CA5A: variants seen among roughly 807,000 people sequenced by gnomAD.
CA5A encodes the protein carbonic anhydrase 5A, also known as carbonic anhydrase 5A, mitochondrial.
A neutral mutation model predicts 37.1 loss-of-function variants in CA5A; 28 were observed. The ratio of observed to expected loss-of-function variants is 0.75; its 90% CI spans 0.56 to 1.03. CA5A has a LOEUF of 1.03. CA5A is among the 50% of genes least tolerant of loss of function. The pLI is 0.00. For missense variants in CA5A, 444 were observed against 399.9 expected, an observed-to-expected ratio of 1.11 and a Z score of -0.94; for synonymous variants, 171 against 158.4, an observed-to-expected ratio of 1.08 and a Z score of -0.60.
rs148835065 is a variant in CA5A at position 87,905,226 on chromosome 16, C to T, written c.341-322G>A. 3.3e-3 allele frequency among the ~76,000 whole-genome samples: 502 copies of T among 152,238 alleles called. 1 individual carries two copies. The highest frequency in any genetic ancestry group is 0.021 in the South Asian group (101 of 4,824). On this transcript the variant is annotated intron_variant, in intron 2 of 6. Transcript: ENST00000649794. ...TCCGTAAAGAACGTTTCTGTGATGC[C>T]TGCCTGTCCTATAAGATTTCCAGAC...
intron 5 of CA5A, among the ~76,000 whole-genome samples, chr16:87,899,201 T>A (rs1275151465): frequency 2.0e-5 from 3 of 151,706 alleles, no homozygotes; most frequent in South Asian, 2.1e-4. Flanking sequence ...GCTAGGAGCC[T>A]CTAGGCGAGA....
At chr16:87,893,912 C>G (rs73239010) in intron 5 of CA5A, among the ~76,000 whole-genome samples, 4,833 of 151,856 alleles carry the variant, frequency 0.032, 268 homozygotes, top group African/African-American at 0.11. Flanking sequence ...AGCTAGGACA[C>G]CACACCAGGG....
intron 1 of CA5A, among the ~76,000 whole-genome samples, chr16:87,933,297 C>T (rs544942087): frequency 5.9e-5 from 9 of 152,224 alleles, no homozygotes; most frequent in African/African-American, 1.9e-4. Context: ...ACCAACGTAA[C>T]GTTGCTGATC....
At chr16:87,924,254 A>C in intron 2 of CA5A, 1 of 985,434 alleles carries the variant, frequency 1.0e-6, no homozygotes, top group Non-Finnish European at 1.2e-6. Context: ...CCCACACGGG[A>C]AGCATCCGCG....
intron 5 of CA5A, among the ~76,000 whole-genome samples, chr16:87,901,119 G>T (rs1340246615): frequency 2.6e-5 from 4 of 152,112 alleles, no homozygotes; most frequent in African/African-American, 7.2e-5. Context: ...TGTCCCAGCC[G>T]CATGGGAGGC....
chr16:87,896,291 G>T (rs1379496222), intron 5 of CA5A, among the ~76,000 whole-genome samples: 2 of 152,178 alleles, frequency 1.3e-5, no homozygotes, highest in African/African-American at 2.4e-5. Flanking sequence ...TGCCACTGCG[G>T]GTAGGTTTCT....
In CA5A at chr16:87,888,258, A is replaced by G. The variant is rs1462054551; in HGVS notation, c.789T>C (p.Arg263=). 1 of 1,613,532 alleles carries G rather than the reference A, an allele frequency of 6.2e-7. No individual in the cohort carries two copies. Among genetic ancestry groups the G allele is most frequent in the Non-Finnish European group, 8.5e-7 (1 of 1,179,574 alleles). The change falls in exon 7 of 7, where the codon CGT becomes CGC. Residue 263 remains arginine (R), a synonymous_variant. Transcript: ENST00000649794. ...EVAPSQLSAF[R]TLLFSALGEE... is the part of the protein sequence containing the mutation. The stretch of plus-strand genomic sequence containing the variant: ...CACCAAGTGCAGAAAACAGGAGAGT[A>G]CGAAATGCAGAGAGCTGGAATAGAG...
At chr16:87,902,328 T>G in intron 4 of CA5A, 97 bp downstream of exon 4, 1 of 744,366 alleles carries the variant, frequency 1.3e-6, no homozygotes, top group Non-Finnish European at 2.3e-6. Flanking sequence ...CACTCCAGCC[T>G]GTGTGACACA....
At chr16:87,925,271 C>A (rs2056289168) in intron 2 of CA5A, among the ~76,000 whole-genome samples, 1 of 152,142 alleles carries the variant, frequency 6.6e-6, no homozygotes, top group East Asian at 1.9e-4. Flanking sequence ...AAGCTACATT[C>A]AGCAAAAGGA....
At chr16:87,913,649 C>T (rs993919763) in intron 2 of CA5A, among the ~76,000 whole-genome samples, 34 of 142,302 alleles carry the variant, frequency 2.4e-4, no homozygotes, top group African/African-American at 7.7e-4. Flanking sequence ...GTGTCTGTGC[C>T]GTGGCCCCCC....
At chr16:87,928,286 C>T (rs916534760) in intron 1 of CA5A, among the ~76,000 whole-genome samples, 10 of 152,208 alleles carry the variant, frequency 6.6e-5, no homozygotes, top group Non-Finnish European at 1.3e-4. Flanking sequence ...ACCTCAGCCT[C>T]CTGAGCAGCT....
intron 2 of CA5A, among the ~76,000 whole-genome samples, chr16:87,914,107 A>G (rs1352589492): frequency 1.3e-5 from 2 of 152,258 alleles, no homozygotes; most frequent in Admixed American, 1.3e-4. Context: ...TGGCACAGTC[A>G]GTGTTTGCTC....
intron 1 of CA5A, among the ~76,000 whole-genome samples, chr16:87,932,112 C>G (rs910701131): frequency 6.6e-6 from 1 of 151,656 alleles, no homozygotes; most frequent in African/African-American, 2.4e-5. Context: ...CAGACTCCGT[C>G]TAAGAAAAAA....
rs555058048 is a variant in CA5A, at chr16:87,893,599, G to A, written c.619-1645C>T. The A allele has an allele frequency of 1.0e-4, 70 of 696,832 alleles. 1 individual carries two copies. The East Asian group carries it at 3.0e-3, about 30-fold the overall frequency. 43.2% of individuals were successfully genotyped at this position (696,832 alleles called of 1,614,324 possible). ...TGGGCGACCTGCAAGACTCACAAGA[G>A]GGGAAGCTGACAGACATACCTACAG... On this transcript the variant is annotated intron_variant, in intron 5 of 6. Transcript: ENST00000649794.
intron 5 of CA5A, among the ~76,000 whole-genome samples, chr16:87,895,190 C>G (rs985594662): frequency 2.6e-5 from 4 of 152,100 alleles, no homozygotes; most frequent in Non-Finnish European, 5.9e-5. Flanking sequence ...GTTGAGGCTG[C>G]AGTGAGCTGT....
At chr16:87,900,197 C>T (rs1209916022) in intron 5 of CA5A, among the ~76,000 whole-genome samples, 4 of 152,198 alleles carry the variant, frequency 2.6e-5, no homozygotes, top group Non-Finnish European at 5.9e-5. Flanking sequence ...GAGGTGGGAC[C>T]ACCTGGTGTG....
At chr16:87,902,047 A>G in intron 4 of CA5A, 73 bp from the exon 5 acceptor site, 2 of 1,346,544 alleles carry the variant, frequency 1.5e-6, no homozygotes, top group South Asian at 1.2e-5. Flanking sequence ...CACTGTAAAT[A>G]CACCACGTTT....
At chr16:87,898,835 A>G (rs2055838160) in intron 5 of CA5A, among the ~76,000 whole-genome samples, 1 of 151,386 alleles carries the variant, frequency 6.6e-6, no homozygotes, top group African/African-American at 2.4e-5. Context: ...CCTGGGTTCA[A>G]GCGATTCTCC....
intron 1 of CA5A, among the ~76,000 whole-genome samples, chr16:87,929,187 C>T (rs186035066): frequency 1.3e-5 from 2 of 151,624 alleles, no homozygotes; most frequent in Non-Finnish European, 2.9e-5. Context: ...CGCGGTGGCT[C>T]ACGCCTATAA....
Sources: allele counts gnomAD v4.1 joint callset (sites outside exome capture counted in the v4.1 genomes callset), GRCh38; gene constraint gnomAD v4.1.1; transcripts MANE v1.5; gene names NCBI Gene and HGNC (gene_info 2026-07-23, HGNC 2026-07-21).